The following LPP variants were observed in gnomAD, a reference collection of about 807,000 sequenced individuals.
LPP encodes lipoma-preferred partner.
Under a neutral mutation model 60.4 loss-of-function variants are expected in LPP, and 38 were observed. The ratio of observed to expected loss-of-function variants is 0.63; its 90% CI spans 0.49 to 0.83. LPP has a LOEUF of 0.83. Among genes scored for constraint, LPP ranks in the 40% least tolerant of loss-of-function variants. The pLI, the probability that LPP is intolerant of heterozygous loss-of-function variation, is 0.00. For missense variants in LPP, 902 were observed against 783.6 expected, an observed-to-expected ratio of 1.15 and a Z score of -1.80; for synonymous variants, 328 against 290.8, an observed-to-expected ratio of 1.13 and a Z score of -1.30.
chr3:188,786,999 T>C (rs983366657), intron 9 of LPP, among the ~76,000 whole-genome samples: 7 of 152,160 alleles, frequency 4.6e-5, no homozygotes, highest in Admixed American at 3.3e-4. Context: ...GAAGGGATCA[T>C]TGTGGTGATG....
intron 2 of LPP, among the ~76,000 whole-genome samples, chr3:188,250,642 C>T (rs1020518832): frequency 6.6e-6 from 1 of 152,090 alleles, no homozygotes; most frequent in Admixed American, 6.5e-5. Context: ...ATCCTGCGTT[C>T]TACTGTATGC....
intron 2 of LPP, among the ~76,000 whole-genome samples, chr3:188,318,121 A>G (rs1249933400): frequency 6.6e-6 from 1 of 152,236 alleles, no homozygotes; most frequent in Non-Finnish European, 1.5e-5. Context: ...CCTCAGGGTC[A>G]GGAAGATCCT....
chr3:188,752,769 A>G (rs1212977610), intron 8 of LPP, among the ~76,000 whole-genome samples: 2 of 152,124 alleles, frequency 1.3e-5, no homozygotes, highest in African/African-American at 4.8e-5. Context: ...ATACCCCGGG[A>G]CAAACTACTC....
intron 7 of LPP, among the ~76,000 whole-genome samples, chr3:188,669,217 A>T (rs1856432209): frequency 1.3e-5 from 2 of 152,108 alleles, no homozygotes; most frequent in East Asian, 3.9e-4. Context: ...CAAGAGTCTT[A>T]TTTACTCAGA....
At chr3:188,396,669 G>A (rs905737400) in intron 3 of LPP, among the ~76,000 whole-genome samples, 1 of 152,194 alleles carries the variant, frequency 6.6e-6, no homozygotes, top group Admixed American at 6.5e-5. Context: ...TAGGCACTTA[G>A]CGTCTCACCT....
At position 188,882,552 on chromosome 3, in the gene LPP, T is replaced by G. The variant is rs890768691; in HGVS notation, c.*8073T>G. 2.2e-5 allele frequency: 5 copies of G among 222,642 alleles called. No homozygotes were observed. Among genetic ancestry groups the G allele is most frequent in the African/African-American group, 4.5e-5 (2 of 44,690 alleles). The allele number at this position is 222,642 out of a possible 1,614,324, so 13.8% of individuals were successfully genotyped here. On this transcript the variant is annotated 3_prime_UTR_variant, in exon 12 of 12. Coordinates refer to ENST00000617246, the MANE Select transcript of LPP (RefSeq NM_001375462.1). The stretch of plus-strand genomic sequence containing the variant: ...CTTTATTATCACAGAATATGAGCAT[T>G]CTTATTGATCCACAGCTACATCTTC...
At chr3:188,472,383 T>C (rs2149533244) in intron 4 of LPP, among the ~76,000 whole-genome samples, 1 of 152,102 alleles carries the variant, frequency 6.6e-6, no homozygotes, top group East Asian at 1.9e-4. Context: ...CAGTATTCCT[T>C]TGGAAAAAAA....
chr3:188,170,353 G>A (rs1003878151), intron 1 of LPP, among the ~76,000 whole-genome samples: 3 of 144,238 alleles, frequency 2.1e-5, no homozygotes, highest in African/African-American at 7.7e-5. Context: ...TTTTTTGAGA[G>A]GGAGTCTCGC....
At chr3:188,220,942 A>C (rs1310643453) in intron 1 of LPP, among the ~76,000 whole-genome samples, 1 of 152,098 alleles carries the variant, frequency 6.6e-6, no homozygotes, top group Non-Finnish European at 1.5e-5. Flanking sequence ...TTGGAAACTG[A>C]CCATGGAAAG....
chr3:188,426,207 T>C (rs545053785), intron 4 of LPP, among the ~76,000 whole-genome samples: 58 of 152,276 alleles, frequency 3.8e-4, no homozygotes, highest in African/African-American at 1.3e-3. Flanking sequence ...ATTTTGTTAT[T>C]TACCCAGTAG....
At chr3:188,681,500 T>C (rs1208238676) in intron 7 of LPP, among the ~76,000 whole-genome samples, 1 of 152,216 alleles carries the variant, frequency 6.6e-6, no homozygotes, top group Non-Finnish European at 1.5e-5. Flanking sequence ...TTTGTCACAT[T>C]GTACCTAGGG....
chr3:188,482,615 A>G (rs1180103609), intron 4 of LPP, among the ~76,000 whole-genome samples: 1 of 152,088 alleles, frequency 6.6e-6, no homozygotes, highest in Non-Finnish European at 1.5e-5. Context: ...TTGCTGTGAG[A>G]TGGAATTTGG....
At chr3:188,632,954 C>A (rs1029449742) in intron 7 of LPP, among the ~76,000 whole-genome samples, 2 of 152,144 alleles carry the variant, frequency 1.3e-5, no homozygotes, top group Non-Finnish European at 2.9e-5. Context: ...GGCCTTCTTT[C>A]TGAACTTTCC....
intron 2 of LPP, among the ~76,000 whole-genome samples, chr3:188,255,751 C>T (rs1336019483): frequency 6.6e-6 from 1 of 152,162 alleles, no homozygotes; most frequent in Non-Finnish European, 1.5e-5. Flanking sequence ...ACCCATTTAC[C>T]TTTAAGGATG....
At chr3:188,314,025 T>A (rs9818529) in intron 2 of LPP, among the ~76,000 whole-genome samples, 2 of 152,066 alleles carry the variant, frequency 1.3e-5, no homozygotes, top group African/African-American at 2.4e-5. Flanking sequence ...TAGATAAATT[T>A]TTTTTGAGTT....
At chr3:188,686,391 C>G (rs1860731143) in intron 7 of LPP, among the ~76,000 whole-genome samples, 2 of 152,166 alleles carry the variant, frequency 1.3e-5, no homozygotes, top group African/African-American at 4.8e-5. Flanking sequence ...CCCACAGCTT[C>G]TCTTGCAACT....
chr3:188,262,406 A>ATTG (rs1341991008), intron 2 of LPP, among the ~76,000 whole-genome samples: 1 of 152,052 alleles, frequency 6.6e-6, no homozygotes, highest in Non-Finnish European at 1.5e-5. Context: ...AATGAAAAGG[A>ATTG]TTGTACCTGT....
chr3:188,786,419 T>C lies in LPP; in HGVS notation c.1410+26137T>C, dbSNP rs542612959. ...AAAAAAAAAAAAAAAAAACCAACCATCAGTGCAGAAGAGGATGTGGAGTGG... is the reference window on the plus strand; with the variant it reads ...AAAAAAAAAAAAAAAAAACCAACCACCAGTGCAGAAGAGGATGTGGAGTGG... On this transcript the variant is annotated intron_variant, in intron 9 of 11. Transcript: ENST00000617246. Among the ~76,000 whole-genome samples the C allele has an allele frequency of 3.1e-4, 41 of 132,946 alleles. No homozygotes were observed. In the East Asian group the frequency reaches 3.3e-3, roughly 11 times the overall value. 87.2% of individuals were successfully genotyped at this position (132,946 alleles called of 152,430 possible).
intron 7 of LPP, among the ~76,000 whole-genome samples, chr3:188,685,429 G>A (rs1432681577): frequency 2.0e-5 from 3 of 152,150 alleles, no homozygotes; most frequent in Non-Finnish European, 4.4e-5. Flanking sequence ...AACTGGTCTG[G>A]AATAGGGTGT....
Sources: gnomAD v4.1 joint callset for allele counts (sites outside exome capture counted in the v4.1 genomes callset) on GRCh38, gnomAD v4.1.1 for gene constraint, MANE v1.5 for transcripts, NCBI Gene and HGNC (gene_info 2026-07-23, HGNC 2026-07-21) for gene names.